The following KCNIP1 variants were observed in gnomAD, a reference collection of about 807,000 sequenced individuals.
KCNIP1 encodes A-type potassium channel modulatory protein KCNIP1.
KCNIP1 carries 18 observed loss-of-function variants against 33.0 expected under a neutral mutation model. The observed-to-expected ratio is 0.55, with a 90% confidence interval of 0.38 to 0.81. The LOEUF (loss-of-function observed/expected upper bound fraction) is 0.81. Ranked by LOEUF, KCNIP1 falls within the 30% of genes least tolerant of loss-of-function variation. The probability of loss-of-function intolerance (pLI) is 0.00; values close to 1 mark genes in which losing one functional copy is unlikely to be tolerated. For synonymous variants in KCNIP1, 93 were observed against 98.3 expected, an observed-to-expected ratio of 0.95 and a Z score of 0.32; for missense variants, 238 against 271.6, an observed-to-expected ratio of 0.88 and a Z score of 0.87.
At chr5:170,630,652 C>G (rs1346762700) in intron 1 of KCNIP1, among the ~76,000 whole-genome samples, 1 of 152,166 alleles carries the variant, frequency 6.6e-6, no homozygotes. Context: ...TGTGAATGGG[C>G]ACAGCACAGG....
intron 1 of KCNIP1, among the ~76,000 whole-genome samples, chr5:170,452,737 T>A (rs1756284053): frequency 6.6e-6 from 1 of 152,220 alleles, no homozygotes; most frequent in African/African-American, 2.4e-5. Flanking sequence ...TTACTCTCTG[T>A]CAGTTATTTG....
intron 1 of KCNIP1, among the ~76,000 whole-genome samples, chr5:170,369,168 A>C (rs925461396): frequency 3.3e-5 from 5 of 152,216 alleles, no homozygotes; most frequent in African/African-American, 1.2e-4. Flanking sequence ...TTCCAGTCCC[A>C]CTGCCTATTA....
intron 1 of KCNIP1, among the ~76,000 whole-genome samples, chr5:170,642,969 C>T (rs1381110806): frequency 6.6e-6 from 1 of 152,212 alleles, no homozygotes; most frequent in East Asian, 1.9e-4. Context: ...AATAATGGCC[C>T]TCACAATGGA....
intron 1 of KCNIP1, among the ~76,000 whole-genome samples, chr5:170,472,775 C>T (rs1019243160): frequency 2.6e-5 from 4 of 152,200 alleles, no homozygotes; most frequent in African/African-American, 9.7e-5. Context: ...CTTTTTATAG[C>T]TGAGTAGTAT....
At chr5:170,587,819 A>ACAC (rs1758056419) in intron 1 of KCNIP1, among the ~76,000 whole-genome samples, 1 of 152,236 alleles carries the variant, frequency 6.6e-6, no homozygotes, top group Non-Finnish European at 1.5e-5. Context: ...CATGTAAGGT[A>ACAC]ACATATTCAC....
intron 1 of KCNIP1, among the ~76,000 whole-genome samples, chr5:170,373,333 T>C (rs1406139726): frequency 1.3e-5 from 2 of 152,318 alleles, no homozygotes; most frequent in East Asian, 3.9e-4. Flanking sequence ...GAGCCTCACA[T>C]TTCTACAGGG....
intron 1 of KCNIP1, among the ~76,000 whole-genome samples, chr5:170,695,649 T>C (rs1250121188): frequency 6.6e-6 from 1 of 152,240 alleles, no homozygotes; most frequent in Non-Finnish European, 1.5e-5. Flanking sequence ...GAGGCTATTA[T>C]AAACTTGACA....
At chr5:170,711,192 A>G (rs1763431015) in intron 1 of KCNIP1, among the ~76,000 whole-genome samples, 1 of 152,172 alleles carries the variant, frequency 6.6e-6, no homozygotes, top group Non-Finnish European at 1.5e-5. Context: ...GTTACTCTCC[A>G]GTTCTCAGTT....
intron 1 of KCNIP1, among the ~76,000 whole-genome samples, chr5:170,696,016 CAAAA>C (rs34474795): frequency 2.1e-5 from 2 of 93,956 alleles, no homozygotes; most frequent in Admixed American, 1.2e-4. Flanking sequence ...GACTCTGTCT[CAAAA>C]AAAAAAAAAA....
intron 1 of KCNIP1, among the ~76,000 whole-genome samples, chr5:170,607,995 G>A (rs1758996338): frequency 6.6e-6 from 1 of 152,204 alleles, no homozygotes; most frequent in African/African-American, 2.4e-5. Context: ...AACTGAGTGG[G>A]TTTAAAACAA....
chr5:170,462,264 C>CAAAAAAAAAAAAAAAAAAAAAAAAAAAAA (rs760686464), intron 1 of KCNIP1, among the ~76,000 whole-genome samples: 1 of 52,048 alleles, frequency 1.9e-5, no homozygotes, highest in Non-Finnish European at 3.5e-5. Context: ...AACAAATTAG[C>CAAAAAAAAAAAAAAAAAAAAAAAAAAAAA]AAAAAAAAAA....
intron 1 of KCNIP1, among the ~76,000 whole-genome samples, chr5:170,506,875 C>A (rs7734122): frequency 0.32 from 48,390 of 152,030 alleles, 7,897 homozygotes; most frequent in East Asian, 0.43. Context: ...GCCCCCGAAG[C>A]ACAGTCATCT....
intron 1 of KCNIP1, among the ~76,000 whole-genome samples, chr5:170,406,471 C>T (rs1755041900): frequency 6.6e-6 from 1 of 152,154 alleles, no homozygotes; most frequent in Non-Finnish European, 1.5e-5. Flanking sequence ...CATAATAACC[C>T]ATACAGGGTT....
At chr5:170,688,738 T>C (rs956574316) in intron 1 of KCNIP1, among the ~76,000 whole-genome samples, 18 of 152,120 alleles carry the variant, frequency 1.2e-4, no homozygotes, top group Admixed American at 4.6e-4. Flanking sequence ...CTGGCCTCAA[T>C]TGTGGCCCAG....
At chr5:170,646,095 A>G (rs1760771507) in intron 1 of KCNIP1, among the ~76,000 whole-genome samples, 1 of 152,248 alleles carries the variant, frequency 6.6e-6, no homozygotes, top group Non-Finnish European at 1.5e-5. Context: ...CAGAAATTGA[A>G]TCAATAACAT....
intron 1 of KCNIP1, among the ~76,000 whole-genome samples, chr5:170,447,007 T>C (rs1756133030): frequency 6.6e-6 from 1 of 152,222 alleles, no homozygotes; most frequent in Non-Finnish European, 1.5e-5. Context: ...TTCAGATATC[T>C]CTCCCATTTG....
chr5:170,518,488 G>A (rs776654818), intron 1 of KCNIP1, among the ~76,000 whole-genome samples: 3 of 152,118 alleles, frequency 2.0e-5, no homozygotes, highest in South Asian at 2.1e-4. Flanking sequence ...CTGGTACATC[G>A]TCAAGTCTTC....
chr5:170,436,703 A>G (rs1448412431), intron 1 of KCNIP1, among the ~76,000 whole-genome samples: 1 of 152,126 alleles, frequency 6.6e-6, no homozygotes, highest in African/African-American at 2.4e-5. Flanking sequence ...TGCTTTCTGC[A>G]GTGTTTTAGC....
chr5:170,370,294 G>C (rs146795121), intron 1 of KCNIP1, among the ~76,000 whole-genome samples: 2,366 of 152,312 alleles, frequency 0.016, 25 homozygotes, highest in Middle Eastern at 0.024. Flanking sequence ...GCACCGTGCT[G>C]AGTACTTCAC....
Sources: allele counts gnomAD v4.1 joint callset (sites outside exome capture counted in the v4.1 genomes callset), GRCh38; gene constraint gnomAD v4.1.1; transcripts MANE v1.5; gene names NCBI Gene and HGNC (gene_info 2026-07-23, HGNC 2026-07-21).